Variants in TNNT3 observed in about 807,000 individuals in gnomAD.
The protein encoded by TNNT3 is troponin T, fast skeletal muscle.
TNNT3 carries 36 observed loss-of-function variants against 54.2 expected under a neutral mutation model. That is an observed-to-expected ratio of 0.66 (90% CI 0.51 to 0.88). The LOEUF (loss-of-function observed/expected upper bound fraction) is 0.88, where lower values mean the gene tolerates loss of function less well. Ranked by LOEUF, TNNT3 falls within the 40% of genes least tolerant of loss-of-function variation. TNNT3 has a pLI of 0.00. For missense variants in TNNT3, 291 were observed against 331.6 expected (o/e 0.88, Z 0.95); for synonymous variants, 120 against 109.7 (o/e 1.09, Z -0.59).
intron 15 of TNNT3, among the ~76,000 whole-genome samples, chr11:1,937,966 C>T (rs953717767): frequency 6.6e-6 from 1 of 152,200 alleles, no homozygotes; most frequent in Admixed American, 6.5e-5. Context: ...CGAAGCACTC[C>T]TGTCCTCCAC....
intron 5 of TNNT3, chr11:1,925,408 G>C (rs1851296696): frequency 1.0e-6 from 1 of 1,004,594 alleles, no homozygotes; most frequent in African/African-American, 1.6e-5. Context: ...CCCCACATGT[G>C]GCCCTAATGT....
rs936822148 is a variant in TNNT3 at position 1,932,341 on chromosome 11, C to T, written c.126-128C>T. On this transcript the variant is annotated intron_variant, in intron 8 of 15. Transcript: ENST00000278317. ...TGGGGCAAACGTGTCACTAGGCGGG[C>T]ATGCTTGGCTGGGGGCCAGAGCAGG... is the stretch of plus-strand genomic sequence containing the variant. The T allele has an allele frequency of 3.2e-5, 27 of 851,184 alleles. No individual in the cohort carries two copies. The Admixed American group carries it at 3.6e-4, about 11-fold the overall frequency. 52.7% of individuals were successfully genotyped at this position (851,184 alleles called of 1,614,324 possible).
intron 14 of TNNT3, chr11:1,935,144 G>A (rs770182320): frequency 3.9e-5 from 24 of 617,970 alleles, no homozygotes; most frequent in South Asian, 7.3e-5. Flanking sequence ...CGCCCTGAGC[G>A]ATGAACCTGG....
intron 8 of TNNT3, among the ~76,000 whole-genome samples, chr11:1,930,311 C>T (rs567365182): frequency 8.5e-5 from 13 of 152,264 alleles, no homozygotes; most frequent in Admixed American, 4.6e-4. Context: ...ACTTCTAGGA[C>T]TCCCAGAGTC....
chr11:1,929,658 T>C, intron 7 of TNNT3, 152 bp from the exon 8 acceptor site: 1 of 854,874 alleles, frequency 1.2e-6, no homozygotes, highest in Non-Finnish European at 1.9e-6. Flanking sequence ...CCCTCTTGTT[T>C]CTGGGGGTTG....
intron 14 of TNNT3, among the ~76,000 whole-genome samples, chr11:1,936,492 G>T (rs1855090319): frequency 6.6e-6 from 1 of 152,212 alleles, no homozygotes; most frequent in Non-Finnish European, 1.5e-5. Context: ...CAAGCCAGCA[G>T]CGGCCACAGA....
chr11:1,930,305 C>G (rs1442855580), intron 8 of TNNT3, among the ~76,000 whole-genome samples: 4 of 152,132 alleles, frequency 2.6e-5, no homozygotes, highest in Admixed American at 6.5e-5. Flanking sequence ...CGCCATACTT[C>G]TAGGACTCCC....
rs1315648956 is a variant in TNNT3, at chr11:1,938,494, G to C, written c.*2G>C. On this transcript the variant is annotated 3_prime_UTR_variant, in exon 16 of 16. Transcript: ENST00000278317. ...AAAGTCGGCGGGCGCTGGAAGTAGA[G>C]AGGCCAGAAAGGCCCCTCGAGGCAG... 6.2e-7 allele frequency: 1 copy of C among 1,613,250 alleles called. No homozygotes were observed. Among genetic ancestry groups the C allele is most frequent in the South Asian group, 1.1e-5 (1 of 91,090 alleles).
At chr11:1,935,798 G>C (rs986462154) in intron 14 of TNNT3, among the ~76,000 whole-genome samples, 1 of 152,046 alleles carries the variant, frequency 6.6e-6, no homozygotes, top group Non-Finnish European at 1.5e-5. Flanking sequence ...AGCAGGTGTG[G>C]GGCGACCAGT....
chr11:1,925,160 C>T lies in TNNT3; in HGVS notation c.67+44C>T, dbSNP rs746358726. 6 of 1,604,190 alleles carry T rather than the reference C, an allele frequency of 3.7e-6. No homozygotes were observed. The African/African-American group carries it at 6.7e-5, about 18-fold the overall frequency. On this transcript the variant is annotated intron_variant, in intron 5 of 15. Transcript: ENST00000278317. ...CCCGGCCCCCATGCCCACTCCCCAG[C>T]CTTCCCGCCCCACCCAAAGTTGACC...
chr11:1,933,659 G>C, intron 9 of TNNT3, 62 bp from the exon 10 acceptor site: 1 of 1,347,140 alleles, frequency 7.4e-7, no homozygotes, highest in Non-Finnish European at 1.1e-6. Context: ...CTGCAAGGCA[G>C]GCCAGGCAGG....
chr11:1,938,477 C>T lies in TNNT3; in HGVS notation c.762C>T (p.Gly254=), dbSNP rs4727. 237,011 of 1,612,734 alleles carry T rather than the reference C, an allele frequency of 0.15. 19,331 individuals carry two copies. The highest frequency in any genetic ancestry group is 0.33 in the East Asian group (14,760 of 44,798). ...GGACCCCAGCCAAGGGCAAAGTCGGCGGGCGCTGGAAGTAGAGAGGCCAGA... is the reference window on the plus strand; with the variant it reads ...GGACCCCAGCCAAGGGCAAAGTCGGTGGGCGCTGGAAGTAGAGAGGCCAGA... ...KAGTPAKGKV[G]GRWK Residue 254 remains glycine (G), a synonymous_variant, in exon 16 of 16, where the codon GGC becomes GGT. Transcript: ENST00000278317.
At chr11:1,935,102 GC>G in intron 14 of TNNT3, 183 bp downstream of exon 14, 2 of 684,708 alleles carry the variant, frequency 2.9e-6, no homozygotes, top group Non-Finnish European at 5.3e-6. Context: ...GGGGACTGTG[GC>G]CAGAGCCCGT....
Position 1,938,492 on chromosome 11 carries a change from G to C in TNNT3, c.777G>C (p.Ter259TyrextTer37). Residue 259 changes from the stop codon to tyrosine, a stop_lost, in exon 16 of 16, where the codon TAG becomes TAC. Transcript: ENST00000278317. Reference sequence around the variant, plus strand: ...GCAAAGTCGGCGGGCGCTGGAAGTAGAGAGGCCAGAAAGGCCCCTCGAGGC... The same window carrying C: ...GCAAAGTCGGCGGGCGCTGGAAGTACAGAGGCCAGAAAGGCCCCTCGAGGC... ...AKGKVGGRWK[*>Y] is the part of the protein sequence containing the mutation. 4 of 1,613,238 alleles carry C rather than the reference G, an allele frequency of 2.5e-6. No homozygotes were observed. In the South Asian group the frequency reaches 4.4e-5, roughly 18 times the overall value.
chr11:1,924,932 T>C (rs2133278996), intron 4 of TNNT3, 167 bp from the exon 5 acceptor site: 1 of 748,136 alleles, frequency 1.3e-6, no homozygotes, highest in Non-Finnish European at 2.4e-6. Context: ...TGGCCAGAGA[T>C]GCAGGACTGA....
intron 14 of TNNT3, chr11:1,936,136 C>A (rs558871914): frequency 1.3e-6 from 2 of 1,557,428 alleles, no homozygotes; most frequent in Admixed American, 1.7e-5. Context: ...AGGGCCATCA[C>A]CAGGCCAAGC....
chr11:1,937,043 G>A, intron 15 of TNNT3, 40 bp downstream of exon 15: 2 of 1,560,310 alleles, frequency 1.3e-6, no homozygotes, highest in South Asian at 2.3e-5. Context: ...CTGGGCACAG[G>A]GGCCCTTGGG....
chr11:1,925,693 G>A (rs1470996482), intron 5 of TNNT3, among the ~76,000 whole-genome samples: 1 of 152,158 alleles, frequency 6.6e-6, no homozygotes, highest in Non-Finnish European at 1.5e-5. Context: ...GGCACAGAGT[G>A]AGGGGAGAGA....
At chr11:1,929,975 G>A (rs1589953630) in intron 8 of TNNT3, 147 bp downstream of exon 8, 22 of 1,147,428 alleles carry the variant, frequency 1.9e-5, no homozygotes, top group Middle Eastern at 2.8e-4. Context: ...CAGGCCCAGC[G>A]CCTCGTGTGT....
Sources: gnomAD v4.1 joint callset for allele counts (sites outside exome capture counted in the v4.1 genomes callset) on GRCh38, gnomAD v4.1.1 for gene constraint, MANE v1.5 for transcripts, NCBI Gene and HGNC (gene_info 2026-07-23, HGNC 2026-07-21) for gene names.